PLCG2: variants seen among roughly 807,000 people sequenced by gnomAD.
The protein encoded by PLCG2 is phospholipase C gamma 2.
PLCG2 carries 69 observed loss-of-function variants against 175.6 expected under a neutral mutation model. That is an observed-to-expected ratio of 0.39 (90% confidence interval 0.32 to 0.48). The LOEUF is 0.48. Ranked by LOEUF, PLCG2 falls within the 20% of genes least tolerant of loss-of-function variation. PLCG2 has a pLI of 0.91. For synonymous variants in PLCG2, 827 were observed against 624.0 expected, an observed-to-expected ratio of 1.33 and a Z score of -4.85; for missense variants, 1,798 against 1,650.9, an observed-to-expected ratio of 1.09 and a Z score of -1.54.
Position 81,960,813 on chromosome 16 carries a change from A to G in PLCG2, c.*2815A>G, listed in dbSNP as rs1341279329. 1.3e-5 allele frequency: 3 copies of G among 229,434 alleles called. No individual in the cohort carries two copies. Among genetic ancestry groups the G allele is most frequent in the African/African-American group, 4.4e-5 (2 of 45,138 alleles). 14.2% of individuals were successfully genotyped at this position (229,434 alleles called of 1,614,324 possible). On this transcript the variant is annotated 3_prime_UTR_variant, in exon 33 of 33. Coordinates refer to ENST00000564138, the MANE Select transcript of PLCG2 (RefSeq NM_002661.5). The stretch of plus-strand genomic sequence containing the variant: ...AGATTAAGCTAGCCTTACCCCTGGG[A>G]GTATACCAGAGCTTTCCAAGGAATA...
In PLCG2 at chr16:81,908,403, C is replaced by A. The variant is rs763441688; in HGVS notation, c.1558-13C>A. 2.2e-5 allele frequency: 36 copies of A among 1,611,416 alleles called. 1 individual carries two copies. The South Asian group carries it at 2.6e-4, about 12-fold the overall frequency. Reference sequence around the variant, plus strand: ...CAAGGCTTTCAGAAACCCCTCCTCTCTTTGCGGCCCAGGATATACCCCCTA... The same window carrying A: ...CAAGGCTTTCAGAAACCCCTCCTCTATTTGCGGCCCAGGATATACCCCCTA... On this transcript the variant is annotated splice_polypyrimidine_tract_variant and intron_variant, in intron 16 of 32. Coordinates refer to ENST00000564138, the MANE Select transcript of PLCG2 (RefSeq NM_002661.5).
At position 81,946,162 on chromosome 16, in the gene PLCG2, T is replaced by C; in HGVS notation, c.3482-13T>C. 1 of 1,608,648 alleles carries C rather than the reference T, an allele frequency of 6.2e-7. No individual in the cohort carries two copies. The highest frequency in any genetic ancestry group is 1.1e-5 in the South Asian group (1 of 90,968). ...TTACCTGCCTTTGCATTTTCCTCCTTGTTCTGCTTCAGGATTCAGGTCCGT... is the reference window on the plus strand; with the variant it reads ...TTACCTGCCTTTGCATTTTCCTCCTCGTTCTGCTTCAGGATTCAGGTCCGT... On this transcript the variant is annotated splice_polypyrimidine_tract_variant and intron_variant, in intron 30 of 32. Coordinates refer to ENST00000564138, the MANE Select transcript of PLCG2 (RefSeq NM_002661.5).
chr16:81,949,736 A>T (rs1442019459), intron 31 of PLCG2, among the ~76,000 whole-genome samples: 5 of 152,230 alleles, frequency 3.3e-5, no homozygotes, highest in African/African-American at 9.7e-5. Context: ...TTGTCATGGT[A>T]AATATCAAAT....
At chr16:81,742,836 G>T (rs1474699339) in intron 1 of PLCG2, among the ~76,000 whole-genome samples, 1 of 152,164 alleles carries the variant, frequency 6.6e-6, no homozygotes, top group Admixed American at 6.5e-5. Context: ...AGGGCCCCTC[G>T]TCCTCCCAGC....
In PLCG2 at chr16:81,900,189, A is replaced by G. The variant is rs1419180078; in HGVS notation, c.1194-423A>G. Among the ~76,000 whole-genome samples the G allele has an allele frequency of 2.0e-5, 3 of 152,254 alleles. No individual in the cohort carries two copies. The South Asian group carries it at 6.2e-4, about 31-fold the overall frequency. ...TTTATAAATAGAGGAAGTAATAAACATACTAAAGTAGGTGGATGCACACGT... is the reference window on the plus strand; with the variant it reads ...TTTATAAATAGAGGAAGTAATAAACGTACTAAAGTAGGTGGATGCACACGT... On this transcript the variant is annotated intron_variant, in intron 13 of 32. Coordinates refer to ENST00000564138, the MANE Select transcript of PLCG2 (RefSeq NM_002661.5).
At chr16:81,758,821 G>A (rs1321838999) in intron 2 of PLCG2, among the ~76,000 whole-genome samples, 1 of 152,034 alleles carries the variant, frequency 6.6e-6, no homozygotes, top group African/African-American at 2.4e-5. Flanking sequence ...GGGATTACAG[G>A]TGCACACCAC....
In PLCG2 at chr16:81,769,529, A is replaced by G. The variant is rs1910227158; in HGVS notation, c.-48+13563A>G. On this transcript the variant is annotated intron_variant, in intron 2 of 5. Transcript: ENST00000565054. ...AATAATTCTAGGTCTTGAAAAAGAC[A>G]TGGGGCCGGGCGCGGTGGCTCACGC... 2.6e-5 allele frequency among the ~76,000 whole-genome samples: 4 copies of G among 152,134 alleles called. No individual in the cohort carries two copies. In the South Asian group the frequency reaches 6.2e-4, roughly 24 times the overall value.
chr16:81,857,647 C>T (rs1026387743), intron 3 of PLCG2, among the ~76,000 whole-genome samples: 2 of 152,036 alleles, frequency 1.3e-5, no homozygotes, highest in Non-Finnish European at 2.9e-5. Flanking sequence ...TCTTTCTCTT[C>T]TCTAAAAAGG....
At chr16:81,864,920 CG>C (rs1907155522) in intron 5 of PLCG2, among the ~76,000 whole-genome samples, 1 of 152,112 alleles carries the variant, frequency 6.6e-6, no homozygotes, top group African/African-American at 2.4e-5. Context: ...GAATAGTTGC[CG>C]TCCTTCTCCA....
chr16:81,787,828 A>G (rs1911050497), intron 2 of PLCG2, among the ~76,000 whole-genome samples: 1 of 152,066 alleles, frequency 6.6e-6, no homozygotes, highest in South Asian at 2.1e-4. Flanking sequence ...GATCCTATGT[A>G]TGTGGGCTTT....
At chr16:81,828,153 AC>A (rs1002904883) in intron 2 of PLCG2, among the ~76,000 whole-genome samples, 78 of 148,906 alleles carry the variant, frequency 5.2e-4, no homozygotes, top group African/African-American at 1.9e-3. Context: ...AATGATCTTC[AC>A]CTGACAAAAC....
intron 26 of PLCG2, 39 bp downstream of exon 26, chr16:81,934,570 GAAAACTT>G (rs1910631311): frequency 8.2e-7 from 1 of 1,214,302 alleles, no homozygotes; most frequent in African/African-American, 1.5e-5. Context: ...TAACTCCAAT[GAAAACTT>G]AACTTCCTTT....
chr16:81,843,358 A>G (rs1333575475), intron 2 of PLCG2, among the ~76,000 whole-genome samples: 7 of 152,204 alleles, frequency 4.6e-5, no homozygotes, highest in Admixed American at 6.5e-5. Flanking sequence ...CACACTTACA[A>G]ATAGGCACAT....
At chr16:81,781,703 G>A (rs1291538427) in intron 1 of PLCG2, among the ~76,000 whole-genome samples, 1 of 152,148 alleles carries the variant, frequency 6.6e-6, no homozygotes, top group South Asian at 2.1e-4. Flanking sequence ...TGTTGGAGGG[G>A]CCCTTACCAC....
At chr16:81,794,183 C>G (rs568464488) in intron 2 of PLCG2, among the ~76,000 whole-genome samples, 1 of 152,228 alleles carries the variant, frequency 6.6e-6, no homozygotes, top group East Asian at 1.9e-4. Context: ...CAAACACAGC[C>G]TGGAAAAGGG....
intron 1 of PLCG2, among the ~76,000 whole-genome samples, chr16:81,753,136 C>T (rs1019158710): frequency 9.5e-6 from 1 of 105,036 alleles, no homozygotes; most frequent in African/African-American, 2.8e-5. Context: ...CTCCCGGCCT[C>T]GCACCCTTCC....
intron 2 of PLCG2, among the ~76,000 whole-genome samples, chr16:81,806,861 C>T (rs1231581264): frequency 6.6e-6 from 1 of 151,708 alleles, no homozygotes; most frequent in Non-Finnish European, 1.5e-5. Context: ...TGGGGATAGC[C>T]AGCCAAGCAG....
At chr16:81,953,047 G>T (rs1268919062) in intron 31 of PLCG2, among the ~76,000 whole-genome samples, 1 of 152,196 alleles carries the variant, frequency 6.6e-6, no homozygotes, top group Admixed American at 6.5e-5. Context: ...TGACATTCTT[G>T]CCAAAACTGC....
Position 81,958,216 on chromosome 16 carries a change from A to G in PLCG2, c.*218A>G. On this transcript the variant is annotated 3_prime_UTR_variant, in exon 33 of 33. Coordinates refer to ENST00000564138, the MANE Select transcript of PLCG2 (RefSeq NM_002661.5). ...CTTTCTTAACTTATATTCTTTATAG[A>G]GGATTCCCCAAAATGTGCTCCTCAT... 3 of 557,650 alleles carry G rather than the reference A, an allele frequency of 5.4e-6. No individual in the cohort carries two copies. The South Asian group carries it at 7.4e-5, about 14-fold the overall frequency. The allele number at this position is 557,650 out of a possible 1,614,324, so 34.5% of individuals were successfully genotyped here.
Sources: gnomAD v4.1 joint callset for allele counts (sites outside exome capture counted in the v4.1 genomes callset) on GRCh38, gnomAD v4.1.1 for gene constraint, MANE v1.5 for transcripts, NCBI Gene and HGNC (gene_info 2026-07-23, HGNC 2026-07-21) for gene names.